Variants in TPD52L1 observed in about 807,000 individuals in gnomAD.
TPD52L1 encodes the protein TPD52 like 1.
TPD52L1 carries 18 observed loss-of-function variants against 28.7 expected under a neutral mutation model. The ratio of observed to expected loss-of-function variants is 0.63; its 90% CI spans 0.43 to 0.93. The LOEUF (loss-of-function observed/expected upper bound fraction) is 0.93. Ranked by LOEUF, TPD52L1 falls within the 40% of genes least tolerant of loss-of-function variation. The probability of loss-of-function intolerance (pLI) is 0.00; values close to 1 mark genes in which losing one functional copy is unlikely to be tolerated. For missense variants in TPD52L1, 203 were observed against 254.8 expected (o/e 0.80, Z 1.39); for synonymous variants, 75 against 88.8 (o/e 0.84, Z 0.88).
chr6:125,255,736 CT>C (rs3839548), intron 5 of TPD52L1, among the ~76,000 whole-genome samples: 20,344 of 145,682 alleles, frequency 0.14, 1,727 homozygotes, highest in East Asian at 0.31. Context: ...TCTTATTTTA[CT>C]TTTTTTTTTT....
chr6:125,243,287 G>A (rs1583002422), intron 3 of TPD52L1, among the ~76,000 whole-genome samples: 1 of 152,210 alleles, frequency 6.6e-6, no homozygotes, highest in Admixed American at 6.5e-5. Flanking sequence ...GTGCCTATGT[G>A]ATGATCTTTT....
intron 1 of TPD52L1, among the ~76,000 whole-genome samples, chr6:125,215,109 T>G (rs1004255536): frequency 2.0e-5 from 3 of 152,226 alleles, no homozygotes; most frequent in Admixed American, 2.0e-4. Flanking sequence ...CAGTGATAAT[T>G]GCTTTCACTG....
chr6:125,226,000 A>C (rs1582966908), intron 2 of TPD52L1, among the ~76,000 whole-genome samples: 1 of 152,206 alleles, frequency 6.6e-6, no homozygotes, highest in African/African-American at 2.4e-5. Context: ...GCAGCCTTTA[A>C]GGTATTTGTA....
At chr6:125,242,645 T>A (rs1369659016) in intron 3 of TPD52L1, among the ~76,000 whole-genome samples, 1 of 152,152 alleles carries the variant, frequency 6.6e-6, no homozygotes, top group African/African-American at 2.4e-5. Flanking sequence ...GTGTGGAATA[T>A]CTTTTTCCAC....
rs528212793 is a variant in TPD52L1, at chr6:125,172,094, C to A, written c.19+18124C>A. On this transcript the variant is annotated intron_variant, in intron 1 of 6. Transcript: ENST00000534000. The stretch of plus-strand genomic sequence containing the variant: ...TTTCTTTCTTTCTCTTTCTTTCTTT[C>A]TTTCCCTTTCTTTCTTTCTTTCTTT... Among the ~76,000 whole-genome samples the A allele has an allele frequency of 9.0e-4, 99 of 109,994 alleles. 3 individuals carry two copies. Among genetic ancestry groups the A allele is most frequent in the African/African-American group, 4.2e-3 (97 of 23,020 alleles). The allele number at this position is 109,994 out of a possible 152,430, so 72.2% of individuals were successfully genotyped here.
chr6:125,219,936 G>A (rs1795123452), intron 1 of TPD52L1, 142 bp from the exon 2 acceptor site: 3 of 711,520 alleles, frequency 4.2e-6, no homozygotes, highest in African/African-American at 1.7e-5. Flanking sequence ...ACATTTAGGA[G>A]GATTTTTGTC....
At chr6:125,224,414 A>G (rs1384110474) in intron 2 of TPD52L1, among the ~76,000 whole-genome samples, 2 of 151,864 alleles carry the variant, frequency 1.3e-5, no homozygotes, top group Admixed American at 1.3e-4. Flanking sequence ...AAGAACACAC[A>G]GTGCTCTCAA....
chr6:125,244,174 T>G (rs990333676), intron 3 of TPD52L1, among the ~76,000 whole-genome samples: 2 of 152,138 alleles, frequency 1.3e-5, no homozygotes, highest in Non-Finnish European at 2.9e-5. Context: ...TCTTATGGAG[T>G]TGGAATGGCA....
At position 125,209,367 on chromosome 6, in the gene TPD52L1, TC is replaced by T. The variant is rs1373716404; in HGVS notation, c.20-10710del. ...ACAGTCATGAGGTCTATGCCAAGCT[TC>T]AGGAGACTCCGGGAAACCAGTCCTG... On this transcript the variant is annotated intron_variant, in intron 1 of 6. Coordinates refer to ENST00000534000, the MANE Select transcript of TPD52L1 (RefSeq NM_003287.4). Among the ~76,000 whole-genome samples the T allele has an allele frequency of 2.7e-4, 41 of 152,284 alleles. 1 individual carries two copies. The highest frequency in any genetic ancestry group is 8.8e-5 in the Non-Finnish European group (6 of 68,016).
intron 5 of TPD52L1, among the ~76,000 whole-genome samples, chr6:125,256,091 G>A (rs1797579791): frequency 6.6e-6 from 1 of 152,176 alleles, no homozygotes; most frequent in South Asian, 2.1e-4. Flanking sequence ...GCTCACGCCT[G>A]TAATCCCAGC....
rs1171967450 is a variant in TPD52L1 at position 125,168,518 on chromosome 6, A to AT, written c.19+14565dup. 8.6e-3 allele frequency among the ~76,000 whole-genome samples: 1,210 copies of AT among 139,960 alleles called. 9 individuals carry two copies. Among genetic ancestry groups the AT allele is most frequent in the African/African-American group, 0.019 (710 of 38,068 alleles). The allele number at this position is 139,960 out of a possible 152,430, so 91.8% of individuals were successfully genotyped here. A position where few individuals can be genotyped will look rare whatever the true frequency, so the allele number is the denominator to read the frequency against. ...TAGAACTTGCTTCTGTCCTTCTCAG[A>AT]TTTTTTTTTTTTTTTTTGAGACGGA... On this transcript the variant is annotated intron_variant, in intron 1 of 6. Coordinates refer to ENST00000534000, the MANE Select transcript of TPD52L1 (RefSeq NM_003287.4).
At position 125,264,174 on chromosome 6, in the gene TPD52L1, T is replaced by A. The variant is rs1157813699; in HGVS notation, c.*1212T>A. ...TTATATATCATATGTATCTCTTTTC[T>A]TTTTCTAAATGGGAACATATATTTG... is the stretch of plus-strand genomic sequence containing the variant. On this transcript the variant is annotated 3_prime_UTR_variant, in exon 7 of 7. Coordinates refer to ENST00000534000, the MANE Select transcript of TPD52L1 (RefSeq NM_003287.4). The A allele has an allele frequency of 6.6e-6, 1 of 152,208 alleles. No homozygotes were observed. Among genetic ancestry groups the A allele is most frequent in the East Asian group, 1.9e-4 (1 of 5,194 alleles). The allele number at this position is 152,208 out of a possible 1,614,324, so 9.4% of individuals were successfully genotyped here. A position where few individuals can be genotyped will look rare whatever the true frequency, so the allele number is the denominator to read the frequency against.
intron 1 of TPD52L1, chr6:125,219,802 C>A (rs1368002673): frequency 2.4e-6 from 1 of 421,276 alleles, no homozygotes; most frequent in Admixed American, 3.5e-5. Context: ...CTGGAATTCA[C>A]CAAGGTGGTA....
chr6:125,182,947 C>A (rs541244638), intron 1 of TPD52L1, among the ~76,000 whole-genome samples: 1 of 152,166 alleles, frequency 6.6e-6, no homozygotes, highest in Non-Finnish European at 1.5e-5. Context: ...TTTTTTGAGT[C>A]CTTTATTCCA....
intron 4 of TPD52L1, among the ~76,000 whole-genome samples, chr6:125,251,822 T>A (rs3799735): frequency 0.13 from 19,285 of 152,236 alleles, 1,650 homozygotes; most frequent in East Asian, 0.31. Flanking sequence ...CTTATAGGAA[T>A]AACAGAAGCA....
rs550289024 is a variant in TPD52L1 at position 125,218,369 on chromosome 6, C to T, written c.20-1709C>T. The stretch of plus-strand genomic sequence containing the variant: ...GTTTGCTTCAGTGAAGTCAAGCATG[C>T]TTTCCTGGGTTTATTAACATTTGTG... On this transcript the variant is annotated intron_variant, in intron 1 of 6. Coordinates refer to ENST00000534000, the MANE Select transcript of TPD52L1 (RefSeq NM_003287.4). Among the ~76,000 whole-genome samples the T allele has an allele frequency of 7.0e-4, 106 of 152,280 alleles. 1 individual carries two copies. The highest frequency in any genetic ancestry group is 3.4e-3 in the Middle Eastern group (1 of 294).
At chr6:125,221,089 C>CT (rs1262903139) in intron 2 of TPD52L1, among the ~76,000 whole-genome samples, 15 of 152,206 alleles carry the variant, frequency 9.9e-5, no homozygotes, top group Non-Finnish European at 2.2e-4. Flanking sequence ...ACTCTGAACT[C>CT]TGAGTTCTAG....
At chr6:125,237,627 A>T (rs957287319) in intron 3 of TPD52L1, among the ~76,000 whole-genome samples, 1 of 152,164 alleles carries the variant, frequency 6.6e-6, no homozygotes, top group Non-Finnish European at 1.5e-5. Flanking sequence ...ATCACAGTCC[A>T]TAGTGTAATA....
chr6:125,242,010 T>C (rs1439997037), intron 3 of TPD52L1, among the ~76,000 whole-genome samples: 2 of 152,088 alleles, frequency 1.3e-5, no homozygotes, highest in African/African-American at 4.8e-5. Context: ...CCAGAGGTTT[T>C]GATAAGTTGT....
Sources: gnomAD v4.1 joint callset for allele counts (sites outside exome capture counted in the v4.1 genomes callset) on GRCh38, gnomAD v4.1.1 for gene constraint, MANE v1.5 for transcripts, NCBI Gene and HGNC (gene_info 2026-07-23, HGNC 2026-07-21) for gene names.